Variants in PTPN13 observed in about 807,000 individuals in gnomAD.
PTPN13 encodes the protein protein tyrosine phosphatase non-receptor type 13, also known as tyrosine-protein phosphatase non-receptor type 13.
PTPN13 carries 191 observed loss-of-function variants against 284.0 expected under a neutral mutation model. The observed-to-expected ratio is 0.67, with a 90% CI of 0.60 to 0.76. PTPN13 has a LOEUF of 0.76. Ranked by LOEUF, PTPN13 falls within the 30% of genes least tolerant of loss-of-function variation. The pLI, the probability that PTPN13 is intolerant of heterozygous loss-of-function variation, is 0.00. For missense variants in PTPN13, 2,797 were observed against 2,939.9 expected, an observed-to-expected ratio of 0.95 and a Z score of 1.12; for synonymous variants, 986 against 1,022.3, an observed-to-expected ratio of 0.96 and a Z score of 0.68.
rs1160066544 is a variant in PTPN13 at position 86,815,033 on chromosome 4, G to A, written c.*482G>A. 4 of 152,768 alleles carry A rather than the reference G, an allele frequency of 2.6e-5. No individual in the cohort carries two copies. The highest frequency in any genetic ancestry group is 4.8e-5 in the African/African-American group (2 of 41,428). The allele number at this position is 152,768 out of a possible 1,614,324, so 9.5% of individuals were successfully genotyped here. A position where few individuals can be genotyped will look rare whatever the true frequency, so the allele number is the denominator to read the frequency against. ...TAATGTTTACTATATAGAATTTCCTGTAATATATTTATATACTTTTTCATG... is the reference window on the plus strand; with the variant it reads ...TAATGTTTACTATATAGAATTTCCTATAATATATTTATATACTTTTTCATG... On this transcript the variant is annotated 3_prime_UTR_variant, in exon 48 of 48. Coordinates refer to ENST00000411767, the MANE Select transcript of PTPN13 (RefSeq NM_080683.3).
chr4:86,775,371 T>C, intron 34 of PTPN13, 29 bp downstream of exon 34: 1 of 1,605,204 alleles, frequency 6.2e-7, no homozygotes, highest in Non-Finnish European at 8.5e-7. Context: ...TTGTACAATA[T>C]GATTTTCTTG....
At chr4:86,738,206 T>C (rs1282608368) in intron 15 of PTPN13, among the ~76,000 whole-genome samples, 2 of 152,232 alleles carry the variant, frequency 1.3e-5, no homozygotes, top group African/African-American at 4.8e-5. Context: ...ACACAGTTTT[T>C]ATTTCTCCTG....
rs139180470 is a variant in PTPN13, at chr4:86,659,285, A to C, written c.116-13080A>C. On this transcript the variant is annotated intron_variant, in intron 2 of 47. Transcript: ENST00000411767. ...AAAAAGTGTTAATAATATGTTGTAC[A>C]CTTTATTTGTACTAAGTCATCAAAA... Among the ~76,000 whole-genome samples, 935 of 152,262 alleles carry C rather than the reference A, an allele frequency of 6.1e-3. 13 individuals are homozygous for C. Among genetic ancestry groups the C allele is most frequent in the African/African-American group, 0.021 (876 of 41,554 alleles).
rs1728940368 is a variant in PTPN13 at position 86,681,934 on chromosome 4, A to AG, written c.295-4775dup. The stretch of plus-strand genomic sequence containing the variant: ...ACAGAGTGAGTCTGTCTCAAAAAAA[A>AG]GAAAAAAAAAGGAAAGAAAAAAGGA... On this transcript the variant is annotated intron_variant, in intron 3 of 47. Coordinates refer to ENST00000411767, the MANE Select transcript of PTPN13 (RefSeq NM_080683.3). Among the ~76,000 whole-genome samples, 6 of 151,286 alleles carry AG rather than the reference A, an allele frequency of 4.0e-5. No homozygotes were observed. The South Asian group carries it at 1.2e-3, about 31-fold the overall frequency.
intron 20 of PTPN13, among the ~76,000 whole-genome samples, chr4:86,756,635 C>T (rs1223915790): frequency 6.6e-6 from 1 of 151,958 alleles, no homozygotes; most frequent in East Asian, 1.9e-4. Context: ...CTAATTCACT[C>T]CTGAGAGGAA....
chr4:86,738,001 A>G (rs772670562), intron 15 of PTPN13, among the ~76,000 whole-genome samples: 1 of 152,312 alleles, frequency 6.6e-6, no homozygotes, highest in Admixed American at 6.5e-5. Flanking sequence ...GTGCTGGGAT[A>G]CAGGTGTGAG....
At chr4:86,806,233 G>C (rs187614092) in intron 44 of PTPN13, among the ~76,000 whole-genome samples, 75 of 151,570 alleles carry the variant, frequency 4.9e-4, no homozygotes, top group African/African-American at 1.7e-3. Flanking sequence ...AAATCACACT[G>C]TGATTTTTTT....
chr4:86,726,445 C>A (rs1734264139), intron 10 of PTPN13, among the ~76,000 whole-genome samples: 1 of 149,236 alleles, frequency 6.7e-6, no homozygotes, highest in Non-Finnish European at 1.5e-5. Flanking sequence ...TTCCTCCTAT[C>A]CGTGAGCATG....
At chr4:86,648,056 A>G (rs1316935849) in intron 2 of PTPN13, among the ~76,000 whole-genome samples, 4 of 152,158 alleles carry the variant, frequency 2.6e-5, no homozygotes, top group African/African-American at 9.6e-5. Flanking sequence ...ATCTCAATGG[A>G]GATCTTCAAC....
chr4:86,657,794 T>C (rs1473437665), intron 2 of PTPN13, among the ~76,000 whole-genome samples: 6 of 152,178 alleles, frequency 3.9e-5, no homozygotes, highest in Non-Finnish European at 8.8e-5. Context: ...AGACTTGGAA[T>C]TGGGGGCTTC....
At chr4:86,646,716 T>A (rs1170795067) in intron 2 of PTPN13, among the ~76,000 whole-genome samples, 1 of 152,240 alleles carries the variant, frequency 6.6e-6, no homozygotes, top group African/African-American at 2.4e-5. Context: ...CCTAGTTACT[T>A]ACTTAAAAGA....
intron 19 of PTPN13, among the ~76,000 whole-genome samples, chr4:86,751,835 G>T (rs1737419249): frequency 6.6e-6 from 1 of 151,734 alleles, no homozygotes; most frequent in Admixed American, 6.6e-5. Flanking sequence ...AATGTGCTAT[G>T]GTTGATAGGT....
At chr4:86,642,389 A>G (rs543653243) in intron 2 of PTPN13, among the ~76,000 whole-genome samples, 41 of 144,334 alleles carry the variant, frequency 2.8e-4, no homozygotes, top group African/African-American at 1.0e-3. Flanking sequence ...TTCCTGTGTT[A>G]TGATTTCCCA....
Position 86,701,464 on chromosome 4 carries a change from C to T in PTPN13, c.858C>T (p.Pro286=), listed in dbSNP as rs1731151344. The T allele has an allele frequency of 6.2e-7, 1 of 1,613,820 alleles. No homozygotes were observed. The highest frequency in any genetic ancestry group is 8.5e-7 in the Non-Finnish European group (1 of 1,179,804). ...QFKTSGPEKK[P]IPGIDVLSKK... Reference sequence around the variant, plus strand: ...AAACTAGTGGCCCAGAAAAAAAACCCATCCCTGGCATTGATGTGCTTTCTA... The same window carrying T: ...AAACTAGTGGCCCAGAAAAAAAACCTATCCCTGGCATTGATGTGCTTTCTA... Residue 286 remains proline (P), a synonymous_variant, in exon 7 of 48, where the codon CCC becomes CCT. Coordinates refer to ENST00000411767, the MANE Select transcript of PTPN13 (RefSeq NM_080683.3).
At chr4:86,772,493 G>A (rs563626406) in intron 31 of PTPN13, among the ~76,000 whole-genome samples, 8 of 152,246 alleles carry the variant, frequency 5.3e-5, no homozygotes, top group Middle Eastern at 3.4e-3. Flanking sequence ...GGCAGAGGCT[G>A]CAGTGAGCCG....
At position 86,741,760 on chromosome 4, in the gene PTPN13, G is replaced by C; in HGVS notation, c.2431G>C (p.Val811Leu). ...CCTTGTGTTTGAAGTTCACAATGGA[G>C]TGCGCACATTGGTCCTTCGCTTTCC... ...GVLVFEVHNG[V>L]RTLVLRFPWR... Residue 811 changes from valine to leucine, a missense_variant, in exon 16 of 48, where the codon GTG becomes CTG. Transcript: ENST00000411767. 2 of 1,612,872 alleles carry C rather than the reference G, an allele frequency of 1.2e-6. No homozygotes were observed. Among genetic ancestry groups the C allele is most frequent in the Non-Finnish European group, 1.7e-6 (2 of 1,179,380 alleles).
rs1277498528 is a variant in PTPN13 at position 86,750,949 on chromosome 4, TTTG to T, written c.3068+65_3068+67del. The T allele has an allele frequency of 9.5e-6, 15 of 1,571,332 alleles. No homozygotes were observed. In the South Asian group the frequency reaches 1.6e-4, roughly 17 times the overall value. On this transcript the variant is annotated intron_variant, in intron 18 of 47. Coordinates refer to ENST00000411767, the MANE Select transcript of PTPN13 (RefSeq NM_080683.3). ...AAATTCTACATTTCATACGTTTCTTTTTGTTATGACATTTTATTATTTTCACCA... is the reference window on the plus strand; with the variant it reads ...AAATTCTACATTTCATACGTTTCTTTTTATGACATTTTATTATTTTCACCA...
intron 2 of PTPN13, among the ~76,000 whole-genome samples, chr4:86,639,199 A>G (rs1005431894): frequency 1.3e-5 from 2 of 151,750 alleles, no homozygotes; most frequent in Admixed American, 1.3e-4. Context: ...GAGGATGTGG[A>G]GAAACAGGAA....
chr4:86,771,597 A>G, intron 31 of PTPN13, 62 bp downstream of exon 31: 1 of 1,433,162 alleles, frequency 7.0e-7, no homozygotes, highest in Non-Finnish European at 9.4e-7. Flanking sequence ...CAGTAGCAGC[A>G]ACATGCATTT....
Sources: allele counts gnomAD v4.1 joint callset (sites outside exome capture counted in the v4.1 genomes callset), GRCh38; gene constraint gnomAD v4.1.1; transcripts MANE v1.5; gene names NCBI Gene and HGNC (gene_info 2026-07-23, HGNC 2026-07-21).